Variants in MGME1 observed in about 807,000 individuals in gnomAD.
MGME1 encodes the protein chromosome 20 open reading frame 72.
MGME1 carries 22 observed loss-of-function variants against 33.0 expected under a neutral mutation model. That is an observed-to-expected ratio of 0.67 (90% CI 0.48 to 0.95). MGME1 has a LOEUF of 0.95. Ranked by LOEUF, MGME1 falls within the 40% of genes least tolerant of loss-of-function variation. The pLI is 0.00. For missense variants in MGME1, 383 were observed against 397.8 expected (o/e 0.96, Z 0.32); for synonymous variants, 133 against 144.0 (o/e 0.92, Z 0.55).
rs1568619927 is a variant in MGME1, at chr20:17,990,423, G to GGGGGGGGGGGC, written c.*314_*315insGGGGGGGGGGC. 6.4e-5 allele frequency: 16 copies of GGGGGGGGGGGC among 251,518 alleles called. No individual in the cohort carries two copies. The highest frequency in any genetic ancestry group is 9.1e-5 in the Non-Finnish European group (12 of 131,992). The allele number at this position is 251,518 out of a possible 1,614,324, so 15.6% of individuals were successfully genotyped here. ...CTTGAGGGACATTGGGGGGGGGGGG[G>GGGGGGGGGGGC]CGTGGTCCCAGGCAGGATGCCCAGT... On this transcript the variant is annotated 3_prime_UTR_variant, in exon 5 of 5. Coordinates refer to ENST00000377710, the MANE Select transcript of MGME1 (RefSeq NM_052865.4).
chr20:17,989,837 G>A, intron 4 of MGME1, 102 bp from the exon 5 acceptor site: 2 of 1,050,056 alleles, frequency 1.9e-6, no homozygotes, highest in Non-Finnish European at 2.8e-6. Context: ...GAGATATCCT[G>A]TAGATTATTT....
At chr20:17,969,624 G>A (rs1396043595) in intron 1 of MGME1, among the ~76,000 whole-genome samples, 177 bp from the exon 2 acceptor site, 1 of 152,110 alleles carries the variant, frequency 6.6e-6, no homozygotes, top group Non-Finnish European at 1.5e-5. Context: ...AGTATGTGTC[G>A]GTCCTTCGGG....
intron 3 of MGME1, among the ~76,000 whole-genome samples, chr20:17,982,272 C>T (rs912023505): frequency 1.3e-5 from 2 of 152,146 alleles, no homozygotes; most frequent in African/African-American, 2.4e-5. Flanking sequence ...AGGCATGTGC[C>T]ACCATGCTCA....
chr20:17,987,703 C>T (rs1452927856), intron 3 of MGME1, among the ~76,000 whole-genome samples: 1 of 152,130 alleles, frequency 6.6e-6, no homozygotes, highest in African/African-American at 2.4e-5. Flanking sequence ...AATATACATG[C>T]TTTGTACAAA....
chr20:17,970,295 G>C lies in MGME1; in HGVS notation c.436G>C (p.Val146Leu). ...VLQQTMTKQQ[V>L]FLLERWKQRM... ...TCAGCAGACCATGACAAAACAACAG[G>C]TTTTCTTGTTGGAGAGGTGGAAACA... The change falls in exon 2 of 5, where the codon GTT (valine) becomes CTT (leucine). Residue 146 changes from valine (V) to leucine (L), a missense_variant. Transcript: ENST00000377710. The C allele has an allele frequency of 6.2e-7, 1 of 1,614,172 alleles. No homozygotes were observed. The highest frequency in any genetic ancestry group is 8.5e-7 in the Non-Finnish European group (1 of 1,180,022).
chr20:17,989,568 A>C (rs1240025082), intron 4 of MGME1, among the ~76,000 whole-genome samples: 1 of 150,626 alleles, frequency 6.6e-6, no homozygotes, highest in Non-Finnish European at 1.5e-5. Flanking sequence ...TAGAAAAATC[A>C]GCCGGAAGTG....
chr20:17,979,865 G>A (rs567970767), intron 3 of MGME1, among the ~76,000 whole-genome samples: 2 of 152,118 alleles, frequency 1.3e-5, no homozygotes, highest in Admixed American at 6.6e-5. Flanking sequence ...CCAAATAGCT[G>A]GAACTACAGG....
intron 3 of MGME1, among the ~76,000 whole-genome samples, chr20:17,981,682 T>TGTGTCA (rs1480672447): frequency 6.7e-6 from 1 of 150,024 alleles, no homozygotes; most frequent in Non-Finnish European, 1.5e-5. Context: ...TGTGTGTGTG[T>TGTGTCA]GTGTCAGAGT....
intron 3 of MGME1, among the ~76,000 whole-genome samples, chr20:17,983,864 G>A (rs924716530): frequency 1.3e-5 from 2 of 152,138 alleles, no homozygotes; most frequent in Non-Finnish European, 2.9e-5. Flanking sequence ...CAGATAGGTG[G>A]TTTGCAAATA....
chr20:17,974,902 C>T (rs192707257), intron 2 of MGME1, among the ~76,000 whole-genome samples: 1 of 152,248 alleles, frequency 6.6e-6, no homozygotes, highest in Non-Finnish European at 1.5e-5. Flanking sequence ...ATTTTCCATT[C>T]CTTGTTTGTC....
intron 4 of MGME1, among the ~76,000 whole-genome samples, chr20:17,988,504 T>A (rs2036209695): frequency 6.6e-6 from 1 of 151,888 alleles, no homozygotes; most frequent in Non-Finnish European, 1.5e-5. Context: ...TAGCTGGGCA[T>A]GGTGGCTCAT....
At position 17,975,834 on chromosome 20, in the gene MGME1, C is replaced by G; in HGVS notation, c.662C>G (p.Ala221Gly). The G allele has an allele frequency of 6.2e-7, 1 of 1,614,162 alleles. No individual in the cohort carries two copies. Among genetic ancestry groups the G allele is most frequent in the South Asian group, 1.1e-5 (1 of 91,080 alleles). The change falls in exon 3 of 5, where the codon GCT (alanine) becomes GGT (glycine). Residue 221 changes from alanine (A) to glycine (G), a missense_variant. By Grantham distance (60) the Ala-to-Gly change is moderately conservative (BLOSUM62 0). Transcript: ENST00000377710. Reference sequence around the variant, plus strand: ...CTGAAAGATGTCAGTGGAGTGCGAGCTCTTGAAAGTGCTGTTCAACATGAA... The same window carrying G: ...CTGAAAGATGTCAGTGGAGTGCGAGGTCTTGAAAGTGCTGTTCAACATGAA... ...HILKDVSGVR[A>G]LESAVQHETL...
chr20:17,973,299 A>C lies in MGME1; in HGVS notation c.512-2385A>C, dbSNP rs547490374. ...GTGGAGATTGCAGTGAGCCGAGATC[A>C]TACCACTGCACTCCAGCCTGGAAAA... On this transcript the variant is annotated intron_variant, in intron 2 of 4. Coordinates refer to ENST00000377710, the MANE Select transcript of MGME1 (RefSeq NM_052865.4). 5.3e-5 allele frequency among the ~76,000 whole-genome samples: 8 copies of C among 151,912 alleles called. No individual in the cohort carries two copies. In the South Asian group the frequency reaches 1.7e-3, roughly 32 times the overall value.
Position 17,983,776 on chromosome 20 carries a change from A to G in MGME1, c.732-4390A>G, listed in dbSNP as rs971733601. The stretch of plus-strand genomic sequence containing the variant: ...AAATATTCATTGAGCTCCTTTGCCC[A>G]TTTTTTAATCAAGTTATTTGTTTTG... On this transcript the variant is annotated intron_variant, in intron 3 of 4. Transcript: ENST00000377710. 7.9e-5 allele frequency among the ~76,000 whole-genome samples: 12 copies of G among 152,116 alleles called. No individual in the cohort carries two copies. The South Asian group carries it at 1.9e-3, about 24-fold the overall frequency.
At chr20:17,983,750 G>C (rs142389276) in intron 3 of MGME1, among the ~76,000 whole-genome samples, 1 of 152,130 alleles carries the variant, frequency 6.6e-6, no homozygotes, top group Non-Finnish European at 1.5e-5. Context: ...CTTCTTTTAA[G>C]AAATATTCAT....
intron 3 of MGME1, among the ~76,000 whole-genome samples, chr20:17,978,446 C>G (rs2035923472): frequency 6.6e-6 from 1 of 152,100 alleles, no homozygotes; most frequent in Non-Finnish European, 1.5e-5. Flanking sequence ...CTCAGGTGAT[C>G]CACCCACCTC....
intron 3 of MGME1, among the ~76,000 whole-genome samples, chr20:17,980,591 C>T (rs1286305721): frequency 1.3e-5 from 2 of 151,872 alleles, no homozygotes; most frequent in African/African-American, 2.4e-5. Context: ...AGGCAGATCA[C>T]GAGGTCAGAA....
At chr20:17,973,932 G>A (rs1475572008) in intron 2 of MGME1, among the ~76,000 whole-genome samples, 1 of 152,042 alleles carries the variant, frequency 6.6e-6, no homozygotes, top group Non-Finnish European at 1.5e-5. Context: ...CTGGGTTGTT[G>A]GGTTTGAAAA....
intron 3 of MGME1, among the ~76,000 whole-genome samples, chr20:17,977,513 AAG>A (rs2035898963): frequency 6.6e-6 from 1 of 152,218 alleles, no homozygotes; most frequent in Non-Finnish European, 1.5e-5. Context: ...TCCTGAAAGT[AAG>A]AGGAGGAACA....
Sources: allele counts gnomAD v4.1 joint callset (sites outside exome capture counted in the v4.1 genomes callset), GRCh38; gene constraint gnomAD v4.1.1; transcripts MANE v1.5; gene names NCBI Gene and HGNC (gene_info 2026-07-23, HGNC 2026-07-21).